Variants in CDC73 observed in about 807,000 individuals in gnomAD.
CDC73 encodes cell division cycle 73, also known as parafibromin.
In CDC73, 21 loss-of-function variants were observed where a neutral mutation model predicts 83.7. That is an observed-to-expected ratio of 0.25 (90% CI 0.18 to 0.36). The LOEUF (loss-of-function observed/expected upper bound fraction) is 0.36. CDC73 is among the 10% of genes least tolerant of loss of function. The pLI is 1.00. For missense variants in CDC73, 342 were observed against 653.3 expected (o/e 0.52, Z 5.19); for synonymous variants, 224 against 212.9 (o/e 1.05, Z -0.45).
intron 10 of CDC73, chr1:193,180,998 ATATTCT>A: frequency 6.2e-7 from 1 of 1,613,524 alleles, no homozygotes. Flanking sequence ...CCCAACAAAA[ATATTCT>A]TGTGATTTGA....
In CDC73 at chr1:193,237,763, G is replaced by A. The variant is rs1370290627; in HGVS notation, c.1417+1407G>A. ...GACTCTTTACGGCATCCTCCTCGAC[G>A]TCTGTGAGTGGCCCAGTCCCCTAGC... On this transcript the variant is annotated intron_variant, in intron 15 of 16. Transcript: ENST00000367435. Among the ~76,000 whole-genome samples the A allele has an allele frequency of 5.3e-5, 8 of 152,126 alleles. No homozygotes were observed. In the South Asian group the frequency reaches 8.3e-4, roughly 16 times the overall value.
At chr1:193,193,780 A>AGTGT (rs71111459) in intron 10 of CDC73, among the ~76,000 whole-genome samples, 3,748 of 135,844 alleles carry the variant, frequency 0.028, 112 homozygotes, top group East Asian at 0.15. Context: ...TCTTACTTGT[A>AGTGT]GTGTGTGTGT....
chr1:193,141,971 A>T lies in CDC73; in HGVS notation c.634A>T (p.Ser212Cys), dbSNP rs1372346761. The T allele has an allele frequency of 6.2e-7, 1 of 1,613,898 alleles. No individual in the cohort carries two copies. The highest frequency in any genetic ancestry group is 1.1e-5 in the South Asian group (1 of 91,076). Residue 212 changes from serine to cysteine, a missense_variant, in exon 7 of 17, where the codon AGT (serine) becomes TGT (cysteine). This residue lies in a region of CDC73 where 239 missense variants were observed against 420.6 expected (regional missense o/e 0.57). Transcript: ENST00000367435. ...DDDITALKQR[S>C]FVDAEVDVTR... ...TGACATAACTGCCCTTAAACAGAGGAGTTTTGTGGATGCTGAGGTAGATGT... is the reference window on the plus strand; with the variant it reads ...TGACATAACTGCCCTTAAACAGAGGTGTTTTGTGGATGCTGAGGTAGATGT...
At chr1:193,156,648 G>A (rs1037858371) in intron 10 of CDC73, among the ~76,000 whole-genome samples, 2 of 152,036 alleles carry the variant, frequency 1.3e-5, no homozygotes, top group African/African-American at 2.4e-5. Flanking sequence ...GTTTTATAAA[G>A]CTTCCTTCAT....
Position 193,241,847 on chromosome 1 carries a change from C to T in CDC73, c.1417+5491C>T, listed in dbSNP as rs141331584. Among the ~76,000 whole-genome samples the T allele has an allele frequency of 2.4e-3, 367 of 152,258 alleles. 2 individuals carry two copies. The highest frequency in any genetic ancestry group is 4.1e-3 in the Non-Finnish European group (279 of 68,010). On this transcript the variant is annotated intron_variant, in intron 15 of 16. Transcript: ENST00000367435. ...TTGGCCTGTCCTCAGGCCTCCAGGT[C>T]GCAGGCAGGGGTGGGGTGTTCTTCA...
intron 11 of CDC73, among the ~76,000 whole-genome samples, chr1:193,204,207 GTA>G (rs1243655200): frequency 2.0e-3 from 30 of 14,722 alleles, no homozygotes; most frequent in African/African-American, 8.1e-3. Context: ...ATATATACGT[GTA>G]TATATATGTA....
At chr1:193,234,910 TTTTA>T (rs974585560) in intron 14 of CDC73, among the ~76,000 whole-genome samples, 5 of 151,464 alleles carry the variant, frequency 3.3e-5, no homozygotes, top group African/African-American at 1.2e-4. Context: ...TTTTTTAATT[TTTTA>T]TTTTATTATT....
rs1470572147 is a variant in CDC73 at position 193,251,050 on chromosome 1, C to A, written c.*338C>A. 1 of 301,516 alleles carries A rather than the reference C, an allele frequency of 3.3e-6. No homozygotes were observed. The highest frequency in any genetic ancestry group is 6.2e-6 in the Non-Finnish European group (1 of 160,964). 18.7% of individuals were successfully genotyped at this position (301,516 alleles called of 1,614,324 possible). ...GAGATTATAAGGCTCTCTGAGCCAT[C>A]TTCTGATTTTTCATTGCTCTATAAT... On this transcript the variant is annotated 3_prime_UTR_variant, in exon 17 of 17. Coordinates refer to ENST00000367435, the MANE Select transcript of CDC73 (RefSeq NM_024529.5).
At chr1:193,136,154 T>C (rs1347486594) in intron 5 of CDC73, among the ~76,000 whole-genome samples, 5 of 152,220 alleles carry the variant, frequency 3.3e-5, no homozygotes, top group African/African-American at 9.7e-5. Flanking sequence ...ACAGTTTATG[T>C]TGCAACTATT....
In CDC73 at chr1:193,122,059, A is replaced by T; in HGVS notation, c.-142A>T. The T allele has an allele frequency of 1.3e-6, 1 of 755,162 alleles. No individual in the cohort carries two copies. The highest frequency in any genetic ancestry group is 2.3e-6 in the Non-Finnish European group (1 of 444,034). 46.8% of individuals were successfully genotyped at this position (755,162 alleles called of 1,614,324 possible). A position where few individuals can be genotyped will look rare whatever the true frequency, so the allele number is the denominator to read the frequency against. ...ACTGCCCCTGCTGCTGTCGTAGGCG[A>T]GGACGGCTGTTAGTGCTGCTGCTGT... On this transcript the variant is annotated 5_prime_UTR_variant, in exon 1 of 17. Coordinates refer to ENST00000367435, the MANE Select transcript of CDC73 (RefSeq NM_024529.5).
At chr1:193,200,076 A>C (rs559237093) in intron 10 of CDC73, among the ~76,000 whole-genome samples, 10 of 151,830 alleles carry the variant, frequency 6.6e-5, no homozygotes, top group Admixed American at 2.0e-4. Flanking sequence ...AAAAAAAAAA[A>C]AACAAAAAAC....
intron 6 of CDC73, among the ~76,000 whole-genome samples, chr1:193,140,644 C>T (rs902714992): frequency 2.6e-5 from 4 of 152,040 alleles, no homozygotes; most frequent in Admixed American, 6.6e-5. Flanking sequence ...GGCTATTAAG[C>T]GACTAACAGG....
chr1:193,217,342 C>G (rs573257425), intron 13 of CDC73, among the ~76,000 whole-genome samples: 38 of 152,286 alleles, frequency 2.5e-4, no homozygotes, highest in African/African-American at 8.7e-4. Flanking sequence ...ACAAGATACT[C>G]TGCTCTATCG....
At position 193,130,830 on chromosome 1, in the gene CDC73, A is replaced by G. The variant is rs116718473; in HGVS notation, c.307+587A>G. Among the ~76,000 whole-genome samples, 433 of 152,300 alleles carry G rather than the reference A, an allele frequency of 2.8e-3. 2 individuals are homozygous for G. Among genetic ancestry groups the G allele is most frequent in the African/African-American group, 0.01 (419 of 41,568 alleles). ...ACTTGACCTCTCAACAGCATTTGAT[A>G]CTGTTGACCACTCATTTTTGAAAGC... On this transcript the variant is annotated intron_variant, in intron 3 of 16. Transcript: ENST00000367435.
At chr1:193,143,850 C>G (rs956025787) in intron 7 of CDC73, among the ~76,000 whole-genome samples, 10 of 152,018 alleles carry the variant, frequency 6.6e-5, no homozygotes, top group African/African-American at 7.2e-5. Context: ...CGGCTCATGC[C>G]AGTAATCCCA....
At chr1:193,144,128 A>G (rs1330550644) in intron 7 of CDC73, among the ~76,000 whole-genome samples, 1 of 151,046 alleles carries the variant, frequency 6.6e-6, no homozygotes, top group Non-Finnish European at 1.5e-5. Flanking sequence ...AAAAAAAAAA[A>G]AAAATTTCAT....
At position 193,212,105 on chromosome 1, in the gene CDC73, G is replaced by A. The variant is rs1018448425; in HGVS notation, c.1066+5G>A. On this transcript the variant is annotated splice_donor_5th_base_variant and intron_variant, in intron 12 of 16. Transcript: ENST00000367435. Reference sequence around the variant, plus strand: ...CTCCCCCAAATCAGAAGAAAGGTGAGGTTGTGCATATGATTTTAAACTTAA... The same window carrying A: ...CTCCCCCAAATCAGAAGAAAGGTGAAGTTGTGCATATGATTTTAAACTTAA... 1.3e-6 allele frequency: 2 copies of A among 1,577,972 alleles called. No homozygotes were observed. Among genetic ancestry groups the A allele is most frequent in the Non-Finnish European group, 1.7e-6 (2 of 1,156,412 alleles).
intron 13 of CDC73, among the ~76,000 whole-genome samples, chr1:193,225,679 A>G (rs866371389): frequency 6.6e-6 from 1 of 151,562 alleles, no homozygotes; most frequent in East Asian, 1.9e-4. Flanking sequence ...CATTTTTTTC[A>G]TATTTCTTGG....
At chr1:193,154,227 A>G (rs1676169057) in intron 10 of CDC73, among the ~76,000 whole-genome samples, 1 of 152,206 alleles carries the variant, frequency 6.6e-6, no homozygotes, top group Admixed American at 6.5e-5. Flanking sequence ...GGAGCCATCA[A>G]AGTAAGTTTT....
Sources: gnomAD v4.1 joint callset for allele counts (sites outside exome capture counted in the v4.1 genomes callset) on GRCh38, gnomAD v4.1.1 for gene constraint, gnomAD v4.1.1 regional missense constraint, MANE v1.5 for transcripts, NCBI Gene and HGNC (gene_info 2026-07-23, HGNC 2026-07-21) for gene names.